Variants in RNF17 observed in about 807,000 individuals in gnomAD.
RNF17 encodes the protein ring finger protein 17, also known as spermatogenesis associated 23.
RNF17 carries 31 observed loss-of-function variants against 200.5 expected under a neutral mutation model. The ratio of observed to expected loss-of-function variants is 0.15; its 90% CI spans 0.12 to 0.21. The LOEUF (loss-of-function observed/expected upper bound fraction) is 0.21. Ranked by LOEUF, RNF17 falls within the 10% of genes least tolerant of loss-of-function variation. The pLI is 1.00. For missense variants in RNF17, 1,628 were observed against 1,905.1 expected (o/e 0.85, Z 2.71); for synonymous variants, 606 against 637.8 (o/e 0.95, Z 0.75).
intron 11 of RNF17, 54 bp from the exon 12 acceptor site, chr13:24,799,338 TATG>T: frequency 7.4e-7 from 1 of 1,351,424 alleles, no homozygotes; most frequent in Non-Finnish European, 1.0e-6. Context: ...TCTGTAAACT[TATG>T]AAGTGGCTTT....
At chr13:24,826,880 G>A (rs1361859722) in intron 16 of RNF17, among the ~76,000 whole-genome samples, 1 of 151,422 alleles carries the variant, frequency 6.6e-6, no homozygotes, top group Non-Finnish European at 1.5e-5. Flanking sequence ...GACCAACATG[G>A]AGAAACGCTG....
intron 15 of RNF17, among the ~76,000 whole-genome samples, chr13:24,814,392 G>T (rs569915707): frequency 1.3e-5 from 2 of 152,262 alleles, no homozygotes; most frequent in African/African-American, 4.8e-5. Context: ...TTTTATGAAG[G>T]CCAATTTAAT....
chr13:24,840,093 A>T (rs1890447523), intron 18 of RNF17, among the ~76,000 whole-genome samples: 1 of 152,236 alleles, frequency 6.6e-6, no homozygotes. Flanking sequence ...TCAAAAAAAG[A>T]TATACAAATG....
chr13:24,879,521 G>T (rs1261563412), intron 35 of RNF17, among the ~76,000 whole-genome samples: 1 of 152,144 alleles, frequency 6.6e-6, no homozygotes, highest in Non-Finnish European at 1.5e-5. Flanking sequence ...ACAGTACCAG[G>T]GTACATAGGG....
chr13:24,875,939 A>G (rs1894811696), intron 33 of RNF17, among the ~76,000 whole-genome samples: 1 of 152,228 alleles, frequency 6.6e-6, no homozygotes, highest in Non-Finnish European at 1.5e-5. Context: ...TCACCACCAC[A>G]GTGCTCCTGC....
intron 15 of RNF17, among the ~76,000 whole-genome samples, chr13:24,814,499 G>C (rs1162629149): frequency 2.6e-5 from 4 of 152,152 alleles, no homozygotes; most frequent in Non-Finnish European, 5.9e-5. Flanking sequence ...TTTCTTCTAA[G>C]AGTTTTATAG....
intron 24 of RNF17, among the ~76,000 whole-genome samples, chr13:24,853,031 A>C (rs1305765570): frequency 6.6e-6 from 1 of 152,128 alleles, no homozygotes; most frequent in East Asian, 1.9e-4. Flanking sequence ...CTCGCACCTC[A>C]GCCTCCCAAG....
At chr13:24,817,935 CT>C (rs1360733326) in intron 15 of RNF17, among the ~76,000 whole-genome samples, 3 of 152,020 alleles carry the variant, frequency 2.0e-5, no homozygotes, top group East Asian at 3.9e-4. Context: ...ATTATTTCTT[CT>C]GCTACTTTTG....
At chr13:24,801,213 T>C (rs1885210277) in intron 13 of RNF17, among the ~76,000 whole-genome samples, 2 of 152,258 alleles carry the variant, frequency 1.3e-5, no homozygotes, top group South Asian at 4.1e-4. Context: ...TTTCACATTT[T>C]TACACTGAGT....
At chr13:24,841,144 CAT>C (rs922797820) in intron 18 of RNF17, among the ~76,000 whole-genome samples, 1 of 152,168 alleles carries the variant, frequency 6.6e-6, no homozygotes, top group African/African-American at 2.4e-5. Context: ...TAAATAGACA[CAT>C]GAGACACAAG....
rs1882451278 is a variant in RNF17, at chr13:24,782,044, C to T, written c.611+100C>T. 8.8e-6 allele frequency: 7 copies of T among 792,402 alleles called. No homozygotes were observed. In the South Asian group the frequency reaches 1.1e-4, roughly 13 times the overall value. 49.1% of individuals were successfully genotyped at this position (792,402 alleles called of 1,614,324 possible). On this transcript the variant is annotated intron_variant, in intron 6 of 35. Transcript: ENST00000255324. ...AGAATGGTAATGGGTAACTTTTAAA[C>T]AAGTTTGTAATGGGTAACTTTCAAA...
At chr13:24,772,229 T>C (rs1224618430) in intron 2 of RNF17, among the ~76,000 whole-genome samples, 1 of 152,198 alleles carries the variant, frequency 6.6e-6, no homozygotes, top group East Asian at 1.9e-4. Context: ...TGCTAGCACA[T>C]AGTGTTTTAA....
intron 15 of RNF17, among the ~76,000 whole-genome samples, chr13:24,817,100 A>T (rs1375911297): frequency 6.6e-6 from 1 of 152,214 alleles, no homozygotes; most frequent in South Asian, 2.1e-4. Flanking sequence ...TAGTGTCTTC[A>T]TATAGCTTTG....
At chr13:24,812,177 G>A (rs956318850) in intron 15 of RNF17, among the ~76,000 whole-genome samples, 1 of 146,528 alleles carries the variant, frequency 6.8e-6, no homozygotes, top group Admixed American at 7.2e-5. Flanking sequence ...CACCCAGTTC[G>A]AGCTTCCTGG....
intron 13 of RNF17, 150 bp from the exon 14 acceptor site, chr13:24,802,231 C>T (rs1401517937): frequency 8.5e-6 from 5 of 588,258 alleles, no homozygotes; most frequent in East Asian, 6.3e-5. Flanking sequence ...TGAGTCACCA[C>T]GCCCGGCTGC....
At chr13:24,886,875 C>G in the RNF17 span, among the ~76,000 whole-genome samples, 2 of 152,198 alleles carry the variant, frequency 1.3e-5, no homozygotes, top group African/African-American at 2.4e-5. Flanking sequence ...AAGTTTAATT[C>G]TTCCCAGGCT....
chr13:24,874,429 T>A (rs77684718), intron 33 of RNF17, among the ~76,000 whole-genome samples, 180 bp downstream of exon 33: 1 of 151,552 alleles, frequency 6.6e-6, no homozygotes, highest in Non-Finnish European at 1.5e-5. Context: ...TTTTTTTTTT[T>A]AGATGAGTCT....
At chr13:24,766,425 G>A (rs1402699219) in intron 1 of RNF17, among the ~76,000 whole-genome samples, 1 of 152,178 alleles carries the variant, frequency 6.6e-6, no homozygotes, top group Non-Finnish European at 1.5e-5. Context: ...ATTTAATCAT[G>A]ATGTTAGGTT....
At chr13:24,825,352 AGTGT>A (rs1046970407) in intron 15 of RNF17, among the ~76,000 whole-genome samples, 1 of 152,188 alleles carries the variant, frequency 6.6e-6, no homozygotes, top group African/African-American at 2.4e-5. Flanking sequence ...ATATACAGTG[AGTGT>A]GTGTATGTAT....
Sources: gnomAD v4.1 joint callset for allele counts (sites outside exome capture counted in the v4.1 genomes callset) on GRCh38, gnomAD v4.1.1 for gene constraint, MANE v1.5 for transcripts, NCBI Gene and HGNC (gene_info 2026-07-23, HGNC 2026-07-21) for gene names.